Variants in SEMA5A observed in about 807,000 individuals in gnomAD.
SEMA5A encodes semaphorin-5A.
A neutral mutation model predicts 135.5 loss-of-function variants in SEMA5A; 55 were observed. That is an observed-to-expected ratio of 0.41 (90% confidence interval 0.33 to 0.51). The LOEUF (loss-of-function observed/expected upper bound fraction) is 0.51. Among genes scored for constraint, SEMA5A ranks in the 20% least tolerant of loss-of-function variants. The pLI is 0.37. For missense variants in SEMA5A, 1,290 were observed against 1,419.9 expected (o/e 0.91, Z 1.47); for synonymous variants, 580 against 546.5 (o/e 1.06, Z -0.85).
chr5:9,426,023 A>G (rs1757634429), intron 2 of SEMA5A, among the ~76,000 whole-genome samples: 1 of 152,212 alleles, frequency 6.6e-6, no homozygotes, highest in Admixed American at 6.5e-5. Context: ...GCATGCATAA[A>G]GCAGTATCTG....
intron 2 of SEMA5A, among the ~76,000 whole-genome samples, chr5:9,381,942 TTGTGTGTG>T (rs148157627): frequency 9.1e-6 from 1 of 109,304 alleles, no homozygotes; most frequent in Non-Finnish European, 1.8e-5. Context: ...TAGAATCATT[TTGTGTGTG>T]TGTGTGTGTG....
In SEMA5A at chr5:9,054,026, A is replaced by T. The variant is rs1173590209; in HGVS notation, c.2689+61T>A. 5 of 1,525,114 alleles carry T rather than the reference A, an allele frequency of 3.3e-6. No individual in the cohort carries two copies. In the African/African-American group the frequency reaches 4.1e-5, roughly 13 times the overall value. 94.5% of individuals were successfully genotyped at this position (1,525,114 alleles called of 1,614,324 possible). A position where few individuals can be genotyped will look rare whatever the true frequency, so the allele number is the denominator to read the frequency against. On this transcript the variant is annotated intron_variant, in intron 19 of 22. Coordinates refer to ENST00000382496, the MANE Select transcript of SEMA5A (RefSeq NM_003966.3). ...TGCAGTATCATCAATTACACCATTT[A>T]TCCATTAAGGAAAGAGGCCAATTTG...
chr5:9,096,959 A>C (rs1739354852), intron 16 of SEMA5A, among the ~76,000 whole-genome samples: 1 of 152,176 alleles, frequency 6.6e-6, no homozygotes, highest in Admixed American at 6.5e-5. Context: ...TTCATCATAG[A>C]GAGGAAAAAC....
intron 4 of SEMA5A, among the ~76,000 whole-genome samples, chr5:9,327,515 C>T (rs1273446043): frequency 2.0e-5 from 3 of 152,010 alleles, no homozygotes; most frequent in African/African-American, 7.3e-5. Context: ...ATTTTAATAG[C>T]ATTCTTATAT....
At chr5:9,499,187 A>G (rs772608789) in intron 1 of SEMA5A, among the ~76,000 whole-genome samples, 1 of 152,216 alleles carries the variant, frequency 6.6e-6, no homozygotes, top group Non-Finnish European at 1.5e-5. Flanking sequence ...ACTCTTCACA[A>G]TAATCCAAGT....
chr5:9,227,780 G>C (rs1747398884), intron 6 of SEMA5A, among the ~76,000 whole-genome samples: 1 of 152,158 alleles, frequency 6.6e-6, no homozygotes, highest in African/African-American at 2.4e-5. Flanking sequence ...TTGATCTCTT[G>C]ACCTCGTGAT....
chr5:9,442,267 A>G (rs974672508), intron 1 of SEMA5A, among the ~76,000 whole-genome samples: 29 of 152,218 alleles, frequency 1.9e-4, no homozygotes, highest in Admixed American at 2.0e-4. Flanking sequence ...GGCCATGTCT[A>G]TGTGGTCAAT....
rs144512547 is a variant in SEMA5A, at chr5:9,135,588, C to T, written c.1599+916G>A. Among the ~76,000 whole-genome samples the T allele has an allele frequency of 4.2e-3, 642 of 152,186 alleles. 1 individual carries two copies. The highest frequency in any genetic ancestry group is 0.01 in the Middle Eastern group (3 of 294). ...AACAGGCTGACTGTTGCAACGCCTT[C>T]GCAGTTCTAAAGCATGGAAGAAACA... On this transcript the variant is annotated intron_variant, in intron 13 of 22. Coordinates refer to ENST00000382496, the MANE Select transcript of SEMA5A (RefSeq NM_003966.3).
chr5:9,161,932 A>C (rs1419341865), intron 11 of SEMA5A, among the ~76,000 whole-genome samples: 1 of 152,208 alleles, frequency 6.6e-6, no homozygotes, highest in Non-Finnish European at 1.5e-5. Context: ...GGCCATGAGA[A>C]TGGAACCTGG....
intron 5 of SEMA5A, among the ~76,000 whole-genome samples, chr5:9,318,112 C>A (rs1415008406): frequency 6.6e-6 from 1 of 152,240 alleles, no homozygotes; most frequent in African/African-American, 2.4e-5. Context: ...AATGGTCTGT[C>A]ATCTAAGGAA....
chr5:9,425,455 GA>G (rs1757614017), intron 2 of SEMA5A, among the ~76,000 whole-genome samples: 1 of 152,176 alleles, frequency 6.6e-6, no homozygotes, highest in African/African-American at 2.4e-5. Context: ...CAATTTTCAA[GA>G]AAAGCAGTCA....
intron 1 of SEMA5A, among the ~76,000 whole-genome samples, chr5:9,513,695 T>C (rs1736349136): frequency 6.6e-6 from 1 of 152,230 alleles, no homozygotes; most frequent in Non-Finnish European, 1.5e-5. Context: ...TCTGAAGCCT[T>C]TCCTAACAAT....
At chr5:9,182,149 G>C (rs1270141803) in intron 11 of SEMA5A, among the ~76,000 whole-genome samples, 22 of 123,048 alleles carry the variant, frequency 1.8e-4, no homozygotes, top group South Asian at 5.0e-4. Context: ...TATTGCTTCT[G>C]CCCCCCACCC....
At chr5:9,205,459 T>G (rs1336411571) in intron 8 of SEMA5A, among the ~76,000 whole-genome samples, 1 of 152,140 alleles carries the variant, frequency 6.6e-6, no homozygotes, top group African/African-American at 2.4e-5. Flanking sequence ...AATAAATGAC[T>G]TTCACGAGGT....
intron 1 of SEMA5A, chr5:9,523,163 G>C (rs1372786143): frequency 6.6e-6 from 1 of 152,158 alleles, no homozygotes; most frequent in Non-Finnish European, 1.5e-5. Context: ...ACGTACACAA[G>C]AGAACTGTAA....
chr5:9,211,706 T>C (rs1293022287), intron 8 of SEMA5A, among the ~76,000 whole-genome samples: 2 of 152,162 alleles, frequency 1.3e-5, no homozygotes, highest in Non-Finnish European at 2.9e-5. Context: ...ATTTTCATCC[T>C]CCAAGTAAAT....
Position 9,120,570 on chromosome 5 carries a change from C to T in SEMA5A, c.1782-1429G>A, listed in dbSNP as rs555519801. On this transcript the variant is annotated intron_variant, in intron 14 of 22. Coordinates refer to ENST00000382496, the MANE Select transcript of SEMA5A (RefSeq NM_003966.3). ...TCTTATAAAGATAATCAGCTAGTATCTTATACCCTGCTACCTAAAATCTTA... is the reference window on the plus strand; with the variant it reads ...TCTTATAAAGATAATCAGCTAGTATTTTATACCCTGCTACCTAAAATCTTA... Among the ~76,000 whole-genome samples, 250 of 152,182 alleles carry T rather than the reference C, an allele frequency of 1.6e-3. 2 individuals are homozygous for T. The highest frequency in any genetic ancestry group is 1.8e-3 in the Non-Finnish European group (122 of 68,000).
intron 1 of SEMA5A, among the ~76,000 whole-genome samples, chr5:9,443,033 A>G (rs1020031419): frequency 9.2e-5 from 14 of 152,182 alleles, no homozygotes; most frequent in South Asian, 6.2e-4. Flanking sequence ...GGGCTGTGGG[A>G]TAATGAAACG....
intron 11 of SEMA5A, among the ~76,000 whole-genome samples, chr5:9,172,202 A>G (rs1157312215): frequency 1.3e-5 from 2 of 152,162 alleles, no homozygotes; most frequent in African/African-American, 4.8e-5. Context: ...CTATTATCCA[A>G]TCCGTGCACA....
Sources: gnomAD v4.1 joint callset for allele counts (sites outside exome capture counted in the v4.1 genomes callset) on GRCh38, gnomAD v4.1.1 for gene constraint, MANE v1.5 for transcripts, NCBI Gene and HGNC (gene_info 2026-07-23, HGNC 2026-07-21) for gene names.